The following KPNA3 variants were observed in gnomAD, a reference collection of about 807,000 sequenced individuals.
KPNA3 encodes karyopherin subunit alpha 3, also known as importin subunit alpha-4.
A neutral mutation model predicts 73.8 loss-of-function variants in KPNA3; 13 were observed. That is an observed-to-expected ratio of 0.18 (90% CI 0.11 to 0.28). KPNA3 has a LOEUF of 0.28. KPNA3 is among the 10% of genes least tolerant of loss of function. The pLI is 1.00. For synonymous variants in KPNA3, 186 were observed against 206.9 expected (o/e 0.90, Z 0.87); for missense variants, 360 against 618.1 (o/e 0.58, Z 4.43).
rs1954478122 is a variant in KPNA3 at position 49,732,379 on chromosome 13, C to G, written c.375G>C (p.Arg125Ser). ...GTAAAATCCATACTTACTTATCATC[C>G]CTTTCTAGACATTTGACTAGAATTG... Reference protein sequence around the residue: ...ILPILVKCLERDDNPSLQFEA... With the variant: ...ILPILVKCLESDDNPSLQFEA... The change falls in exon 6 of 17, where the codon AGG (arginine) becomes AGC (serine). Residue 125 changes from arginine (R) to serine (S), a missense_variant. By Grantham distance (110) the Arg-to-Ser change is moderately radical. This residue lies in a region of KPNA3 where 287 missense variants were observed against 549.1 expected (regional missense o/e 0.52). Transcript: ENST00000261667. 1 of 1,535,850 alleles carries G rather than the reference C, an allele frequency of 6.5e-7. No homozygotes were observed. Among genetic ancestry groups the G allele is most frequent in the Non-Finnish European group, 8.9e-7 (1 of 1,121,908 alleles).
chr13:49,704,659 T>C (rs1006870102), intron 15 of KPNA3, among the ~76,000 whole-genome samples: 3 of 152,260 alleles, frequency 2.0e-5, no homozygotes, highest in South Asian at 2.1e-4. Context: ...TTAGTACATA[T>C]TGAACATGTA....
At chr13:49,764,861 T>C (rs1484233885) in intron 1 of KPNA3, among the ~76,000 whole-genome samples, 1 of 152,252 alleles carries the variant, frequency 6.6e-6, no homozygotes, top group Non-Finnish European at 1.5e-5. Context: ...TCACTTCTAC[T>C]TATTTAGTCC....
At chr13:49,752,038 C>T (rs77408823) in intron 1 of KPNA3, among the ~76,000 whole-genome samples, 2,174 of 152,208 alleles carry the variant, frequency 0.014, 28 homozygotes, top group South Asian at 0.028. Context: ...AATGGAAGGG[C>T]AGAAGTTATG....
At chr13:49,725,344 C>T in intron 7 of KPNA3, 72 bp downstream of exon 7, 1 of 730,588 alleles carries the variant, frequency 1.4e-6, no homozygotes, top group African/African-American at 1.8e-5. Flanking sequence ...GATAAAATTT[C>T]TTTATTACAA....
At position 49,700,347 on chromosome 13, in the gene KPNA3, T is replaced by C. The variant is rs1039215137; in HGVS notation, c.*1453A>G. On this transcript the variant is annotated 3_prime_UTR_variant, in exon 17 of 17. Transcript: ENST00000261667. ...TAGATTTTCTATCCCTTCACATCAA[T>C]GCATTGGGAAATTATACCCAGTAAA... 2 of 152,646 alleles carry C rather than the reference T, an allele frequency of 1.3e-5. No homozygotes were observed. The highest frequency in any genetic ancestry group is 2.4e-5 in the African/African-American group (1 of 41,462). 9.5% of individuals were successfully genotyped at this position (152,646 alleles called of 1,614,324 possible).
intron 1 of KPNA3, among the ~76,000 whole-genome samples, chr13:49,768,635 C>T (rs1594458062): frequency 1.1e-5 from 1 of 93,150 alleles, no homozygotes; most frequent in African/African-American, 4.2e-5. Flanking sequence ...CATTTAGGTT[C>T]ATCTTTTAAT....
chr13:49,711,878 C>T (rs1385729962), intron 10 of KPNA3, among the ~76,000 whole-genome samples: 2 of 152,198 alleles, frequency 1.3e-5, no homozygotes, highest in Non-Finnish European at 2.9e-5. Context: ...TAGAACTACA[C>T]ATATAACCCA....
rs374261701 is a variant in KPNA3, at chr13:49,710,947, A to C, written c.847T>G (p.Ser283Ala). 1.9e-6 allele frequency: 3 copies of C among 1,613,828 alleles called. No individual in the cohort carries two copies. In the African/African-American group the frequency reaches 4.0e-5, roughly 22 times the overall value. The change falls in exon 11 of 17, where the codon TCA becomes GCA. Residue 283 changes from serine to alanine, a missense_variant. Physicochemically the swap from Ser to Ala is moderately conservative, Grantham distance 99. Coordinates refer to ENST00000261667, the MANE Select transcript of KPNA3 (RefSeq NM_002267.4). The part of the protein sequence containing the change: ...GNEQIQMVID[S>A]GVVPFLVPLL... ...GGCACAAGAAAGGGCACAACTCCTG[A>C]ATCAATAACCATCTGTATCTGTTCA...
At chr13:49,778,862 T>C (rs745788528) in intron 1 of KPNA3, among the ~76,000 whole-genome samples, 5 of 152,184 alleles carry the variant, frequency 3.3e-5, no homozygotes, top group Admixed American at 6.6e-5. Context: ...CCCTCCTCTG[T>C]CTTCCAAAGT....
chr13:49,757,268 A>C (rs998624745), intron 1 of KPNA3, among the ~76,000 whole-genome samples: 17 of 152,232 alleles, frequency 1.1e-4, no homozygotes, highest in African/African-American at 3.4e-4. Context: ...GACTAAAAAA[A>C]AAAAATTTGC....
chr13:49,720,281 C>T (rs1954342775), intron 9 of KPNA3, among the ~76,000 whole-genome samples: 1 of 152,190 alleles, frequency 6.6e-6, no homozygotes, highest in Non-Finnish European at 1.5e-5. Flanking sequence ...TTTTCAACTT[C>T]ACCTTTAGTC....
At chr13:49,717,116 T>C (rs965276135) in intron 10 of KPNA3, among the ~76,000 whole-genome samples, 1 of 152,172 alleles carries the variant, frequency 6.6e-6, no homozygotes, top group Non-Finnish European at 1.5e-5. Context: ...AGTCAAACTT[T>C]CCCTACTTCA....
At chr13:49,743,944 G>C (rs796431594) in intron 2 of KPNA3, among the ~76,000 whole-genome samples, 1 of 152,236 alleles carries the variant, frequency 6.6e-6, no homozygotes, top group African/African-American at 2.4e-5. Context: ...ATCTATTAAA[G>C]AAAGTAATCT....
chr13:49,711,950 G>GA (rs1290239325), intron 10 of KPNA3, among the ~76,000 whole-genome samples: 1 of 152,164 alleles, frequency 6.6e-6, no homozygotes, highest in East Asian at 1.9e-4. Flanking sequence ...TGTAAGAGGA[G>GA]AAAAAATTAA....
At chr13:49,763,060 C>G (rs1463477624) in intron 1 of KPNA3, among the ~76,000 whole-genome samples, 1 of 151,948 alleles carries the variant, frequency 6.6e-6, no homozygotes, top group Non-Finnish European at 1.5e-5. Context: ...ACCCCTGATG[C>G]CAGGTTGGAG....
chr13:49,732,291 C>T (rs1954477258), intron 6 of KPNA3, 80 bp downstream of exon 6: 5 of 611,984 alleles, frequency 8.2e-6, no homozygotes, highest in African/African-American at 7.5e-5. Flanking sequence ...CAAAACCAAA[C>T]TGAACTCACT....
rs1286964969 is a variant in KPNA3, at chr13:49,772,589, GGTCAGGAGTTCCAGACCA to G, written c.69+19831_69+19848del. Among the ~76,000 whole-genome samples, 4 of 152,250 alleles carry G rather than the reference GGTCAGGAGTTCCAGACCA, an allele frequency of 2.6e-5. No homozygotes were observed. The East Asian group carries it at 7.7e-4, about 29-fold the overall frequency. On this transcript the variant is annotated intron_variant, in intron 1 of 16. Coordinates refer to ENST00000261667, the MANE Select transcript of KPNA3 (RefSeq NM_002267.4). ...AGGCTGAGGCAGGTGGATCACCTGA[GGTCAGGAGTTCCAGACCA>G]GCCTGGCCAACGTGGTGAAACCCCA...
In KPNA3 at chr13:49,782,988, A is replaced by G. The variant is rs551105622; in HGVS notation, c.69+9450T>C. On this transcript the variant is annotated intron_variant, in intron 1 of 16. Coordinates refer to ENST00000261667, the MANE Select transcript of KPNA3 (RefSeq NM_002267.4). Reference sequence around the variant, plus strand: ...GTAAATATGCTGACAGTATCAAAAGAAAGCTGATAGACCAAAAGCAAGGGA... The same window carrying G: ...GTAAATATGCTGACAGTATCAAAAGGAAGCTGATAGACCAAAAGCAAGGGA... 2.0e-5 allele frequency among the ~76,000 whole-genome samples: 3 copies of G among 152,312 alleles called. No individual in the cohort carries two copies. In the South Asian group the frequency reaches 6.2e-4, roughly 32 times the overall value.
chr13:49,785,661 A>G (rs946603500), intron 1 of KPNA3, among the ~76,000 whole-genome samples: 5 of 152,160 alleles, frequency 3.3e-5, no homozygotes, highest in African/African-American at 7.2e-5. Flanking sequence ...TGCCTACTAC[A>G]TTCAAAGGGT....
Sources: allele counts gnomAD v4.1 joint callset (sites outside exome capture counted in the v4.1 genomes callset), GRCh38; gene constraint gnomAD v4.1.1; regional missense constraint gnomAD v4.1.1; transcripts MANE v1.5; gene names NCBI Gene and HGNC (gene_info 2026-07-23, HGNC 2026-07-21).